Variants in SGCZ observed in about 807,000 individuals in gnomAD.
SGCZ encodes the protein sarcoglycan zeta, also known as zeta-sarcoglycan.
In SGCZ, 40 loss-of-function variants were observed where a neutral mutation model predicts 41.3. That is an observed-to-expected ratio of 0.97 (90% CI 0.75 to 1.26). SGCZ has a LOEUF of 1.26. Ranked by LOEUF, SGCZ falls within the 50% of genes most tolerant of loss-of-function variation. The pLI is 0.00. For missense variants in SGCZ, 552 were observed against 369.8 expected, an observed-to-expected ratio of 1.49 and a Z score of -4.04; for synonymous variants, 206 against 137.5, an observed-to-expected ratio of 1.50 and a Z score of -3.49.
At chr8:14,430,851 C>T (rs547024284) in intron 2 of SGCZ, among the ~76,000 whole-genome samples, 45 of 152,212 alleles carry the variant, frequency 3.0e-4, no homozygotes, top group Non-Finnish European at 5.3e-4. Context: ...GCAAAGTTTC[C>T]GGATACAAAA....
intron 1 of SGCZ, among the ~76,000 whole-genome samples, chr8:15,089,136 T>C (rs1451625786): frequency 6.6e-6 from 1 of 152,144 alleles, no homozygotes; most frequent in Non-Finnish European, 1.5e-5. Context: ...ATATTATAAA[T>C]GCCTAATCTT....
At chr8:14,665,156 T>C (rs1207683605) in intron 1 of SGCZ, among the ~76,000 whole-genome samples, 3 of 151,886 alleles carry the variant, frequency 2.0e-5, no homozygotes, top group Non-Finnish European at 2.9e-5. Context: ...ATGCTATCCC[T>C]CCCCCCTCTC....
chr8:14,649,008 A>T (rs1807312994), intron 1 of SGCZ, among the ~76,000 whole-genome samples: 1 of 152,074 alleles, frequency 6.6e-6, no homozygotes, highest in Admixed American at 6.6e-5. Flanking sequence ...CAACAGTCAT[A>T]CCAACTATAG....
At chr8:14,324,001 A>T in intron 3 of SGCZ, 102 bp downstream of exon 3, 1 of 704,292 alleles carries the variant, frequency 1.4e-6, no homozygotes, top group African/African-American at 1.8e-5. Flanking sequence ...TAAGGAAACT[A>T]AACACATGCT....
intron 1 of SGCZ, among the ~76,000 whole-genome samples, chr8:15,091,876 G>C (rs928529428): frequency 2.6e-5 from 4 of 151,896 alleles, no homozygotes; most frequent in African/African-American, 9.7e-5. Context: ...CCTCAGCCTC[G>C]AAAGTAGCTG....
chr8:15,011,996 T>G (rs1802841151), intron 1 of SGCZ, among the ~76,000 whole-genome samples: 1 of 152,182 alleles, frequency 6.6e-6, no homozygotes, highest in Non-Finnish European at 1.5e-5. Context: ...TATTAGAAGG[T>G]CACATTTGCA....
intron 1 of SGCZ, among the ~76,000 whole-genome samples, chr8:15,124,273 T>G (rs1315410349): frequency 6.6e-6 from 1 of 152,208 alleles, no homozygotes; most frequent in Non-Finnish European, 1.5e-5. Context: ...GTAAGTCTTC[T>G]TTCTATATTA....
At chr8:15,118,749 G>A (rs1807367115) in intron 1 of SGCZ, among the ~76,000 whole-genome samples, 1 of 152,026 alleles carries the variant, frequency 6.6e-6, no homozygotes, top group Non-Finnish European at 1.5e-5. Context: ...AATAGAAAAG[G>A]CACCCTAGGA....
intron 3 of SGCZ, among the ~76,000 whole-genome samples, chr8:14,297,725 T>C (rs1282857791): frequency 3.3e-5 from 5 of 152,012 alleles, no homozygotes; most frequent in African/African-American, 9.7e-5. Flanking sequence ...AGTAACTATA[T>C]CTGATCCATT....
At chr8:14,246,535 A>G (rs1366247381) in intron 3 of SGCZ, among the ~76,000 whole-genome samples, 1 of 151,952 alleles carries the variant, frequency 6.6e-6, no homozygotes, top group Non-Finnish European at 1.5e-5. Context: ...AGCATGGCAC[A>G]TGTATACATA....
intron 1 of SGCZ, among the ~76,000 whole-genome samples, chr8:15,037,308 GT>G: frequency 6.6e-6 from 1 of 152,206 alleles, no homozygotes; most frequent in East Asian, 1.9e-4. Flanking sequence ...TCCCCACCTT[GT>G]TTGGCATTTC....
intron 1 of SGCZ, among the ~76,000 whole-genome samples, chr8:14,624,860 C>G (rs1369876248): frequency 6.6e-6 from 1 of 151,954 alleles, no homozygotes. Flanking sequence ...CATGAGCCAC[C>G]ACACCGGGCT....
intron 1 of SGCZ, among the ~76,000 whole-genome samples, chr8:14,799,545 T>A (rs1338848124): frequency 6.6e-6 from 1 of 152,122 alleles, no homozygotes; most frequent in Non-Finnish European, 1.5e-5. Context: ...GACTCAAGAC[T>A]CTTCCATCCT....
At chr8:15,063,294 G>C (rs961485379) in intron 1 of SGCZ, among the ~76,000 whole-genome samples, 2 of 152,002 alleles carry the variant, frequency 1.3e-5, no homozygotes, top group Admixed American at 1.3e-4. Flanking sequence ...TGCATCACTG[G>C]TCCCCATCCA....
Position 14,159,144 on chromosome 8 carries a change from G to A in SGCZ, c.547+5436C>T, listed in dbSNP as rs183294702. Among the ~76,000 whole-genome samples, 613 of 152,118 alleles carry A rather than the reference G, an allele frequency of 4.0e-3. 2 individuals carry two copies. The highest frequency in any genetic ancestry group is 6.6e-3 in the Non-Finnish European group (452 of 67,996). ...TGATACATGGCAGGATAAATTATGA[G>A]ATTTTGTGGGTCTAAGACCTAAAGC... On this transcript the variant is annotated intron_variant, in intron 5 of 7. Coordinates refer to ENST00000382080, the MANE Select transcript of SGCZ (RefSeq NM_139167.4).
chr8:14,766,297 C>A (rs2439723), intron 1 of SGCZ, among the ~76,000 whole-genome samples: 1 of 151,820 alleles, frequency 6.6e-6, no homozygotes, highest in African/African-American at 2.4e-5. Flanking sequence ...ATTAAATATG[C>A]AAAAATAAAA....
intron 2 of SGCZ, among the ~76,000 whole-genome samples, chr8:14,479,203 CAGTCTGTGGCTGAAGGCCAG>C (rs1322134593): frequency 6.6e-6 from 1 of 152,212 alleles, no homozygotes; most frequent in Non-Finnish European, 1.5e-5. Flanking sequence ...GCGCAGCCTT[CAGTCTGTGGCTGAAGGCCAG>C]AGAGCCCCTG....
intron 1 of SGCZ, among the ~76,000 whole-genome samples, chr8:15,003,593 T>C (rs1802501951): frequency 6.6e-6 from 1 of 152,162 alleles, no homozygotes; most frequent in Admixed American, 6.5e-5. Flanking sequence ...TAGACCAAAC[T>C]ATTAATACAC....
intron 5 of SGCZ, among the ~76,000 whole-genome samples, chr8:14,119,374 G>A (rs1275519134): frequency 6.9e-6 from 1 of 145,772 alleles, no homozygotes; most frequent in Non-Finnish European, 1.5e-5. Context: ...GTCTATTATT[G>A]GTGTTAGGAA....
Sources: allele counts gnomAD v4.1 joint callset (sites outside exome capture counted in the v4.1 genomes callset), GRCh38; gene constraint gnomAD v4.1.1; transcripts MANE v1.5; gene names NCBI Gene and HGNC (gene_info 2026-07-23, HGNC 2026-07-21).